The following INPP4B variants were observed in gnomAD, a reference collection of about 807,000 sequenced individuals.
INPP4B encodes inositol polyphosphate 4-phosphatase type II.
A neutral mutation model predicts 122.5 loss-of-function variants in INPP4B; 55 were observed. The observed-to-expected ratio is 0.45, with a 90% CI of 0.36 to 0.56. The LOEUF (loss-of-function observed/expected upper bound fraction) is 0.56, where lower values mean the gene tolerates loss of function less well. Ranked by LOEUF, INPP4B falls within the 20% of genes least tolerant of loss-of-function variation. The pLI, the probability that INPP4B is intolerant of heterozygous loss-of-function variation, is 0.00. For missense variants in INPP4B, 1,000 were observed against 1,097.7 expected, an observed-to-expected ratio of 0.91 and a Z score of 1.26; for synonymous variants, 403 against 388.7, an observed-to-expected ratio of 1.04 and a Z score of -0.43.
At chr4:142,041,389 G>A (rs1385255612) in intron 25 of INPP4B, among the ~76,000 whole-genome samples, 1 of 152,068 alleles carries the variant, frequency 6.6e-6, no homozygotes, top group Non-Finnish European at 1.5e-5. Flanking sequence ...AGGCTGAGGT[G>A]GGCAGATCAC....
chr4:142,125,378 G>A (rs1798227735), intron 18 of INPP4B, among the ~76,000 whole-genome samples: 1 of 151,382 alleles, frequency 6.6e-6, no homozygotes. Flanking sequence ...AAACACTAAA[G>A]CATTCATAAA....
chr4:142,511,689 G>A (rs372800289), intron 2 of INPP4B, among the ~76,000 whole-genome samples: 22 of 152,054 alleles, frequency 1.4e-4, no homozygotes, highest in African/African-American at 4.3e-4. Flanking sequence ...GGACTCAGGC[G>A]TTAGTATTGT....
At chr4:142,205,709 C>T (rs1192442494) in intron 14 of INPP4B, among the ~76,000 whole-genome samples, 1 of 152,154 alleles carries the variant, frequency 6.6e-6, no homozygotes, top group Admixed American at 6.6e-5. Context: ...TGCTACAATT[C>T]AAGCCCAGGG....
intron 17 of INPP4B, among the ~76,000 whole-genome samples, chr4:142,151,471 T>A (rs769113910): frequency 1.3e-3 from 199 of 152,336 alleles, no homozygotes; most frequent in Admixed American, 3.7e-3. Flanking sequence ...ACACTCAGTT[T>A]AAAATTCACT....
At chr4:142,797,469 G>C (rs1255311553) in intron 1 of INPP4B, among the ~76,000 whole-genome samples, 1 of 151,960 alleles carries the variant, frequency 6.6e-6, no homozygotes, top group South Asian at 2.1e-4. Flanking sequence ...GAAGAGAAGA[G>C]AATTTGAGCT....
intron 1 of INPP4B, among the ~76,000 whole-genome samples, chr4:142,764,242 A>G (rs892508346): frequency 1.3e-5 from 2 of 152,132 alleles, no homozygotes; most frequent in Admixed American, 6.6e-5. Flanking sequence ...TCACAAGCAA[A>G]CTAAAAACAA....
intron 2 of INPP4B, among the ~76,000 whole-genome samples, chr4:142,650,685 T>C (rs918695942): frequency 1.3e-5 from 2 of 152,066 alleles, no homozygotes; most frequent in Non-Finnish European, 2.9e-5. Flanking sequence ...CCTAAATATA[T>C]ATGCACCCAA....
intron 23 of INPP4B, among the ~76,000 whole-genome samples, chr4:142,105,274 G>C (rs1786432831): frequency 6.6e-6 from 1 of 152,130 alleles, no homozygotes; most frequent in Admixed American, 6.6e-5. Context: ...AAAAGCACTA[G>C]ACCATGCTAA....
intron 3 of INPP4B, among the ~76,000 whole-genome samples, chr4:142,448,099 G>A (rs1438939393): frequency 6.6e-6 from 1 of 152,054 alleles, no homozygotes; most frequent in East Asian, 1.9e-4. Flanking sequence ...AGTGCCTGCA[G>A]TGTAGGTGGT....
intron 18 of INPP4B, among the ~76,000 whole-genome samples, chr4:142,136,929 G>C (rs1413301272): frequency 6.6e-6 from 1 of 152,136 alleles, no homozygotes; most frequent in Non-Finnish European, 1.5e-5. Context: ...TGGGCAGGAA[G>C]AATCAATATC....
chr4:142,435,186 A>G (rs1217648492), intron 3 of INPP4B, among the ~76,000 whole-genome samples: 2 of 152,202 alleles, frequency 1.3e-5, no homozygotes, highest in Non-Finnish European at 2.9e-5. Context: ...AAGCAGGGAA[A>G]AGGGGAGTTA....
At chr4:142,140,109 A>G (rs1427050398) in intron 18 of INPP4B, among the ~76,000 whole-genome samples, 1 of 152,236 alleles carries the variant, frequency 6.6e-6, no homozygotes, top group Non-Finnish European at 1.5e-5. Flanking sequence ...GCAAAAAAGG[A>G]CATGAGTACC....
intron 2 of INPP4B, among the ~76,000 whole-genome samples, chr4:142,563,247 C>T (rs1179871913): frequency 6.6e-6 from 1 of 152,220 alleles, no homozygotes; most frequent in African/African-American, 2.4e-5. Context: ...AACATGTCCA[C>T]TGTCGTACTT....
At chr4:142,073,429 T>C (rs961783759) in intron 25 of INPP4B, among the ~76,000 whole-genome samples, 20 of 152,208 alleles carry the variant, frequency 1.3e-4, no homozygotes, top group African/African-American at 4.1e-4. Context: ...TCTTTAGAAA[T>C]TGGCCTGTGA....
intron 24 of INPP4B, 58 bp downstream of exon 24, chr4:142,086,086 G>A (rs1776596116): frequency 8.7e-7 from 1 of 1,144,038 alleles, no homozygotes; most frequent in Non-Finnish European, 1.3e-6. Flanking sequence ...GTAGAGAACT[G>A]ATAATATTTG....
chr4:142,536,528 A>T (rs1014399093), intron 2 of INPP4B, among the ~76,000 whole-genome samples: 4 of 152,130 alleles, frequency 2.6e-5, no homozygotes, highest in African/African-American at 9.7e-5. Context: ...AAGTAGCAAA[A>T]TTGTTATTTT....
At chr4:142,265,246 C>T (rs567605133) in intron 10 of INPP4B, among the ~76,000 whole-genome samples, 32 of 152,178 alleles carry the variant, frequency 2.1e-4, no homozygotes, top group Admixed American at 9.2e-4. Context: ...CTCTTATTTA[C>T]GTCTACATTA....
rs931102057 is a variant in INPP4B, at chr4:142,728,176, G to C, written c.-253-2275C>G. On this transcript the variant is annotated intron_variant, in intron 1 of 25. Transcript: ENST00000262992. ...AGAAACATTAGTAACAGCACTGGGAGTAAAATGGACAAAATATAAAGTGGC... is the reference window on the plus strand; with the variant it reads ...AGAAACATTAGTAACAGCACTGGGACTAAAATGGACAAAATATAAAGTGGC... 2.0e-5 allele frequency among the ~76,000 whole-genome samples: 3 copies of C among 152,196 alleles called. No homozygotes were observed. The South Asian group carries it at 6.2e-4, about 31-fold the overall frequency.
chr4:142,411,227 G>C (rs942796842), intron 5 of INPP4B, among the ~76,000 whole-genome samples: 2 of 152,130 alleles, frequency 1.3e-5, no homozygotes, highest in Non-Finnish European at 2.9e-5. Context: ...CTTTAAGCAG[G>C]GGTTTAACTA....
Sources: gnomAD v4.1 joint callset for allele counts (sites outside exome capture counted in the v4.1 genomes callset) on GRCh38, gnomAD v4.1.1 for gene constraint, MANE v1.5 for transcripts, NCBI Gene and HGNC (gene_info 2026-07-23, HGNC 2026-07-21) for gene names.